NEB: variants seen among roughly 807,000 people sequenced by gnomAD.
NEB encodes nebulin.
Under a neutral mutation model 952.2 loss-of-function variants are expected in NEB, and 512 were observed. That is an observed-to-expected ratio of 0.54 (90% CI 0.50 to 0.58). The LOEUF (loss-of-function observed/expected upper bound fraction) is 0.58. Among genes scored for constraint, NEB ranks in the 20% least tolerant of loss-of-function variants. The probability of loss-of-function intolerance (pLI) is 0.00; values close to 1 mark genes in which losing one functional copy is unlikely to be tolerated. For missense variants in NEB, 8,428 were observed against 9,231.1 expected, an observed-to-expected ratio of 0.91 and a Z score of 3.56; for synonymous variants, 2,900 against 3,149.8, an observed-to-expected ratio of 0.92 and a Z score of 2.66.
chr2:151,547,854 T>G, intron 131 of NEB, 116 bp from the exon 132 acceptor site: 1 of 697,602 alleles, frequency 1.4e-6, no homozygotes, highest in South Asian at 2.0e-5. Flanking sequence ...ATCGAGGATA[T>G]AGAAAATGAT....
intron 71 of NEB, among the ~76,000 whole-genome samples, chr2:151,622,051 C>T (rs1230985142): frequency 6.6e-6 from 1 of 152,078 alleles, no homozygotes; most frequent in African/African-American, 2.4e-5. Context: ...ACTCTGTCGC[C>T]CAGGCTGGAG....
intron 18 of NEB, 145 bp from the exon 19 acceptor site, chr2:151,694,774 T>C (rs1413585900): frequency 1.5e-6 from 1 of 689,476 alleles, no homozygotes; most frequent in Non-Finnish European, 2.4e-6. Flanking sequence ...ATATTTTAAA[T>C]ATTTCTTCTC....
intron 169 of NEB, 48 bp downstream of exon 169, chr2:151,499,250 T>A: frequency 9.6e-7 from 1 of 1,042,168 alleles, no homozygotes; most frequent in African/African-American, 1.6e-5. Context: ...CATTAATCTT[T>A]TTAAACATTT....
At chr2:151,546,557 C>CTT (rs11436330) in intron 133 of NEB, 114 bp from the exon 134 acceptor site, 24,451 of 348,674 alleles carry the variant, frequency 0.07, 293 homozygotes, top group East Asian at 0.17. Flanking sequence ...GGTTCATCTA[C>CTT]TTTTTTTTTT....
chr2:151,700,351 T>C (rs1270840229), intron 13 of NEB, among the ~76,000 whole-genome samples: 1,416 of 51,774 alleles, frequency 0.027, no homozygotes, highest in Non-Finnish European at 0.039. Context: ...ATGCGGGCTC[T>C]TTTTTGGTTC....
chr2:151,666,440 T>C (rs1019307029), intron 40 of NEB, 39 bp from the exon 41 acceptor site: 12 of 1,582,872 alleles, frequency 7.6e-6, no homozygotes, highest in Admixed American at 1.7e-5. Context: ...TTGGCTAGCA[T>C]AGAAGTCTGA....
Position 151,664,614 on chromosome 2 carries a change from C to A in NEB, c.5344-6G>T. 1 of 1,592,644 alleles carries A rather than the reference C, an allele frequency of 6.3e-7. No homozygotes were observed. On this transcript the variant is annotated splice_polypyrimidine_tract_variant and splice_region_variant and intron_variant, in intron 43 of 181. Coordinates refer to ENST00000397345, the MANE Select transcript of NEB (RefSeq NM_001164508.2). ...CAGCCAGCTTTGTACAGTTTCTAAA[C>A]AATAAAATAGAAAAACAACAGCATC...
Position 151,507,059 on chromosome 2 carries a change from T to C in NEB, c.23452-46A>G, listed in dbSNP as rs2069631668. ...TCTTGTTAAGATTTCAACATTGCTT[T>C]GTTTTCTTTATTTGTCCTATATTAT... is the stretch of plus-strand genomic sequence containing the variant. On this transcript the variant is annotated intron_variant, in intron 162 of 181. Transcript: ENST00000397345. 3.4e-6 allele frequency: 4 copies of C among 1,190,664 alleles called. No individual in the cohort carries two copies. The South Asian group carries it at 5.0e-5, about 15-fold the overall frequency. The allele number at this position is 1,190,664 out of a possible 1,614,324, so 73.8% of individuals were successfully genotyped here.
At chr2:151,640,764 C>T (rs2098836681) in intron 60 of NEB, 98 bp from the exon 61 acceptor site, 1 of 1,174,812 alleles carries the variant, frequency 8.5e-7, no homozygotes, top group Non-Finnish European at 1.2e-6. Flanking sequence ...AAAAATTTTC[C>T]CTGAATATGT....
Position 151,684,819 on chromosome 2 carries a change from T to C in NEB, c.2794A>G (p.Asn932Asp), listed in dbSNP as rs1407509356. The C allele has an allele frequency of 2.5e-6, 4 of 1,613,172 alleles. No homozygotes were observed. The highest frequency in any genetic ancestry group is 3.4e-6 in the Non-Finnish European group (4 of 1,179,508). ...TATGCCTTCTTGGCAAGGTCCACAT[T>C]GATGCTATCAGGGGGGTAGCTGTAA... The part of the protein sequence containing the change: ...HSYSYPPDSI[N>D]VDLAKKAYAL... Residue 932 changes from asparagine (N) to aspartate (D), a missense_variant, in exon 28 of 182, where the codon AAT becomes GAT. Asn to Asp is a conservative substitution (Grantham distance 23). This residue lies in a region of NEB where 2,851 missense variants were observed against 2,791.5 expected (regional missense o/e 1.02). Transcript: ENST00000397345.
chr2:151,717,859 T>TC, intron 9 of NEB, among the ~76,000 whole-genome samples: 1 of 150,890 alleles, frequency 6.6e-6, no homozygotes, highest in East Asian at 1.9e-4. Context: ...TTTGTTCTTT[T>TC]TTTTTTTTTT....
At chr2:151,658,202 C>T (rs1051637200) in intron 47 of NEB, 112 bp from the exon 48 acceptor site, 18 of 707,326 alleles carry the variant, frequency 2.5e-5, no homozygotes, top group African/African-American at 5.4e-5. Flanking sequence ...GAGCAGAATG[C>T]TTCGTTGGTG....
At chr2:151,533,315 T>G (rs1222579288) in intron 143 of NEB, 127 bp downstream of exon 143, 2 of 642,002 alleles carry the variant, frequency 3.1e-6, no homozygotes, top group Non-Finnish European at 5.4e-6. Flanking sequence ...GGAATGAATA[T>G]TTACATAGCT....
Position 151,549,702 on chromosome 2 carries a change from T to C in NEB, c.19983A>G (p.Gly6661=). 6.3e-7 allele frequency: 1 copy of C among 1,599,388 alleles called. No homozygotes were observed. Among genetic ancestry groups the C allele is most frequent in the East Asian group, 2.3e-5 (1 of 44,416 alleles). ...GAGGAGTGTCACCTGGAAGTCTATA[T>C]CCAGTGGGCAGGGTGCGCAGGCTGG... The part of the protein sequence containing the change: ...YKTSLRTLPT[G]YRLPGDTPHF... The change falls in exon 130 of 182, where the codon GGA becomes GGG. Residue 6661 remains glycine, a synonymous_variant. Transcript: ENST00000397345.
chr2:151,524,330 G>A lies in NEB; in HGVS notation c.22460C>T (p.Ala7487Val), dbSNP rs1018450882. 1.2e-6 allele frequency: 2 copies of A among 1,613,800 alleles called. No homozygotes were observed. The highest frequency in any genetic ancestry group is 1.7e-5 in the Admixed American group (1 of 60,032). The change falls in exon 153 of 182, where the codon GCA becomes GTA. Residue 7487 changes from alanine to valine, a missense_variant. Transcript: ENST00000397345. ...GRPDIEMAKK[A>V]AKLSSQVKYR... ...CATTACCTGGCTGCTCAGCTTGGCT[G>A]CCTTCTTGGCCATTTCTATGTCTGG...
At chr2:151,622,363 TTTTC>T (rs918486504) in intron 71 of NEB, among the ~76,000 whole-genome samples, 5 of 152,198 alleles carry the variant, frequency 3.3e-5, no homozygotes, top group African/African-American at 7.2e-5. Context: ...GACTATTTCT[TTTTC>T]TTTATTTAAA....
intron 38 of NEB, among the ~76,000 whole-genome samples, chr2:151,669,782 G>A: frequency 6.6e-6 from 1 of 152,200 alleles, no homozygotes; most frequent in East Asian, 1.9e-4. Context: ...ACACATAAGA[G>A]GGACATGATT....
chr2:151,719,507 G>A (rs997735200), intron 9 of NEB, among the ~76,000 whole-genome samples: 2 of 152,106 alleles, frequency 1.3e-5, no homozygotes, highest in African/African-American at 2.4e-5. Context: ...AAGCTTTCAT[G>A]GACATCAAAT....
intron 68 of NEB, among the ~76,000 whole-genome samples, chr2:151,628,098 A>G (rs2098558791): frequency 6.6e-6 from 1 of 152,154 alleles, no homozygotes; most frequent in Non-Finnish European, 1.5e-5. Flanking sequence ...GCCAAACTAC[A>G]TGGTCCTATG....
Sources: allele counts gnomAD v4.1 joint callset (sites outside exome capture counted in the v4.1 genomes callset), GRCh38; gene constraint gnomAD v4.1.1; regional missense constraint gnomAD v4.1.1; transcripts MANE v1.5; gene names NCBI Gene and HGNC (gene_info 2026-07-23, HGNC 2026-07-21).